ITGA2B: variants seen among roughly 807,000 people sequenced by gnomAD.
ITGA2B encodes integrin subunit alpha 2b.
In ITGA2B, 91 loss-of-function variants were observed where a neutral mutation model predicts 142.0. The ratio of observed to expected loss-of-function variants is 0.64; its 90% CI spans 0.54 to 0.76. The LOEUF (loss-of-function observed/expected upper bound fraction) is 0.76. Ranked by LOEUF, ITGA2B falls within the 30% of genes least tolerant of loss-of-function variation. ITGA2B has a pLI of 0.00. For synonymous variants in ITGA2B, 536 were observed against 567.2 expected (o/e 0.94, Z 0.78); for missense variants, 1,231 against 1,350.8 (o/e 0.91, Z 1.39).
At chr17:44,377,572 T>A (rs2048556072) in intron 21 of ITGA2B, 126 bp downstream of exon 21, 1 of 724,006 alleles carries the variant, frequency 1.4e-6, no homozygotes, top group Non-Finnish European at 2.5e-6. Flanking sequence ...CCCAAGGACA[T>A]GTGGCAAGGG....
Position 44,380,001 on chromosome 17 carries a change from C to G in ITGA2B, c.1752+1G>C. On this transcript the variant is annotated splice_donor_variant, in intron 17 of 29. Transcript: ENST00000262407. LOFTEE classifies it high-confidence loss of function. ...CCTGCCAATCCCCTGCCTGGGCGTACTCGAAGGAAGGCCATGGTGGTGTGG... is the reference window on the plus strand; with the variant it reads ...CCTGCCAATCCCCTGCCTGGGCGTAGTCGAAGGAAGGCCATGGTGGTGTGG... 6.2e-7 allele frequency: 1 copy of G among 1,613,320 alleles called. No individual in the cohort carries two copies.
At chr17:44,374,555 CA>C in intron 28 of ITGA2B, 85 bp from the exon 29 acceptor site, 2 of 1,521,738 alleles carry the variant, frequency 1.3e-6, no homozygotes, top group Non-Finnish European at 1.8e-6. Flanking sequence ...GACCTCCAGC[CA>C]TGCCACCCAC....
rs2048550086 is a variant in ITGA2B, at chr17:44,376,992, G to A, written c.2267+17C>T. 1.1e-5 allele frequency: 18 copies of A among 1,569,508 alleles called. No individual in the cohort carries two copies. Among genetic ancestry groups the A allele is most frequent in the Middle Eastern group, 3.6e-4 (2 of 5,610 alleles). On this transcript the variant is annotated intron_variant, in intron 22 of 29. Coordinates refer to ENST00000262407, the MANE Select transcript of ITGA2B (RefSeq NM_000419.5). ...CGGGGGAAGGGTGGTGGGTAGGCAC[G>A]CTCGCCAGGTCAGTACCTCCGTATC... is the stretch of plus-strand genomic sequence containing the variant.
At position 44,388,351 on chromosome 17, in the gene ITGA2B, C is replaced by CT. The variant is rs35720866; in HGVS notation, c.188+934dup. On this transcript the variant is annotated intron_variant, in intron 1 of 29. Coordinates refer to ENST00000262407, the MANE Select transcript of ITGA2B (RefSeq NM_000419.5). ...ATGTGCTCCTCTCCACATTTCCTTTCTTTTTTTTTTTTTTTTTTTTTTGAG... is the reference window on the plus strand; with the variant it reads ...ATGTGCTCCTCTCCACATTTCCTTTCTTTTTTTTTTTTTTTTTTTTTTTGAG... Among the ~76,000 whole-genome samples, 873 of 97,308 alleles carry CT rather than the reference C, an allele frequency of 9.0e-3. 8 individuals are homozygous for CT. The highest frequency in any genetic ancestry group is 0.013 in the African/African-American group (279 of 21,668). 63.8% of individuals were successfully genotyped at this position (97,308 alleles called of 152,430 possible).
At chr17:44,378,845 A>G (rs920757524) in intron 18 of ITGA2B, 135 bp from the exon 19 acceptor site, 3 of 753,172 alleles carry the variant, frequency 4.0e-6, no homozygotes, top group African/African-American at 3.5e-5. Flanking sequence ...GACGAAAAGG[A>G]GTTTGTAGAT....
intron 21 of ITGA2B, 141 bp downstream of exon 21, chr17:44,377,557 A>AT: frequency 1.4e-6 from 1 of 694,120 alleles, no homozygotes; most frequent in Non-Finnish European, 2.6e-6. Context: ...AGGGAAAGTC[A>AT]CTCACCCAAG....
chr17:44,380,638 G>T lies in ITGA2B; in HGVS notation c.1401C>A (p.Ile467=), dbSNP rs766997708. Residue 467 remains isoleucine, a synonymous_variant, in exon 14 of 30, where the codon ATC becomes ATA. Coordinates refer to ENST00000262407, the MANE Select transcript of ITGA2B (RefSeq NM_000419.5). ...DIDDNGYPDL[I]VGAYGANQVA... ...CCTGGTTGGCCCCGTAAGCTCCCAC[G>T]ATCAGGTCTATAGACATCGAGGAAT... is the stretch of plus-strand genomic sequence containing the variant. 4 of 1,614,050 alleles carry T rather than the reference G, an allele frequency of 2.5e-6. No individual in the cohort carries two copies.
chr17:44,384,007 G>A (rs1300623294), intron 10 of ITGA2B, 61 bp from the exon 11 acceptor site: 2 of 1,613,324 alleles, frequency 1.2e-6, no homozygotes, highest in East Asian at 2.2e-5. Context: ...TAAGAAATGG[G>A]CCCTCACCTC....
At chr17:44,381,839 G>A (rs1340009631) in intron 12 of ITGA2B, among the ~76,000 whole-genome samples, 1 of 151,370 alleles carries the variant, frequency 6.6e-6, no homozygotes, top group East Asian at 1.9e-4. Flanking sequence ...TGTTGGCCAG[G>A]CTGGTGTCAA....
At chr17:44,389,235 TGGGGA>T in intron 1 of ITGA2B, 46 bp downstream of exon 1, 1 of 1,596,184 alleles carries the variant, frequency 6.3e-7, no homozygotes, top group Non-Finnish European at 8.6e-7. Flanking sequence ...GAAGCAGTGA[TGGGGA>T]GGGGTCCTGC....
chr17:44,372,371 C>T lies in ITGA2B; in HGVS notation c.3113G>A (p.Gly1038Glu). 3.1e-6 allele frequency: 5 copies of T among 1,614,090 alleles called. No individual in the cohort carries two copies. Among genetic ancestry groups the T allele is most frequent in the Non-Finnish European group, 4.2e-6 (5 of 1,180,022 alleles). The change falls in exon 30 of 30, where the codon GGG becomes GAG. Residue 1038 changes from glycine to glutamate, a missense_variant. Around this residue, in one of 3 missense-constraint regions of ITGA2B, gnomAD observed 908 missense variants for 1,021.1 expected, o/e 0.89. Coordinates refer to ENST00000262407, the MANE Select transcript of ITGA2B (RefSeq NM_000419.5). Reference sequence around the variant, plus strand: ...ATAGTGTAGGCTGCACCATCACTCCCCCTCTTCATCATCTTCTTCCAGGGG... The same window carrying T: ...ATAGTGTAGGCTGCACCATCACTCCTCCTCTTCATCATCTTCTTCCAGGGG... ...RPPLEEDDEE[G>E]E
intron 5 of ITGA2B, 24 bp from the exon 6 acceptor site, chr17:44,385,233 AG>A: frequency 6.2e-7 from 1 of 1,613,928 alleles, no homozygotes; most frequent in Non-Finnish European, 8.5e-7. Flanking sequence ...CCTGAGGGTG[AG>A]AGGGGGCCCT....
At chr17:44,374,302 G>T in intron 29 of ITGA2B, 52 bp downstream of exon 29, 1 of 1,528,796 alleles carries the variant, frequency 6.5e-7, no homozygotes, top group Non-Finnish European at 9.1e-7. Context: ...GTGAGGCAGG[G>T]CAGAGCCAAG....
At chr17:44,381,132 G>A (rs966128791) in intron 12 of ITGA2B, 71 bp from the exon 13 acceptor site, 13 of 1,464,094 alleles carry the variant, frequency 8.9e-6, no homozygotes, top group Non-Finnish European at 1.1e-5. Flanking sequence ...AAACTTTCCT[G>A]AGCTTCTCTG....
Position 44,386,106 on chromosome 17 carries a change from G to C in ITGA2B, c.214C>G (p.Arg72Gly), listed in dbSNP as rs1174805526. ...GRVAIVVGAPRTLGPSQEETG... is the reference protein window; with the variant it reads ...GRVAIVVGAPGTLGPSQEETG... The stretch of plus-strand genomic sequence containing the variant: ...TCCTCCTGGCTGGGGCCCAGGGTCC[G>C]CGGGGCGCCCACCACGATGGCCACT... The change falls in exon 2 of 30, where the codon CGG becomes GGG. Residue 72 changes from arginine to glycine, a missense_variant. Transcript: ENST00000262407. 1 of 1,604,540 alleles carries C rather than the reference G, an allele frequency of 6.2e-7. No homozygotes were observed. Among genetic ancestry groups the C allele is most frequent in the Non-Finnish European group, 8.5e-7 (1 of 1,177,528 alleles).
intron 12 of ITGA2B, among the ~76,000 whole-genome samples, chr17:44,381,817 G>A (rs1003413098): frequency 1.3e-5 from 2 of 151,440 alleles, no homozygotes; most frequent in African/African-American, 4.9e-5. Context: ...TTATGGAGAC[G>A]AGATCTCCCT....
intron 11 of ITGA2B, 23 bp from the exon 12 acceptor site, chr17:44,383,727 C>T (rs1187650421): frequency 1.9e-6 from 3 of 1,560,620 alleles, no homozygotes; most frequent in Non-Finnish European, 1.7e-6. Flanking sequence ...TGAGTGGTTA[C>T]ATGGGACTGG....
Position 44,383,551 on chromosome 17 carries a change from A to G in ITGA2B, c.1152T>C (p.Tyr384=), listed in dbSNP as rs2048614559. 1 of 1,612,096 alleles carries G rather than the reference A, an allele frequency of 6.2e-7. No homozygotes were observed. Among genetic ancestry groups the G allele is most frequent in the Non-Finnish European group, 8.5e-7 (1 of 1,179,936 alleles). The change falls in exon 12 of 30, where the codon TAT becomes TAC. Residue 384 remains tyrosine (Y), a synonymous_variant. Coordinates refer to ENST00000262407, the MANE Select transcript of ITGA2B (RefSeq NM_000419.5). The stretch of plus-strand genomic sequence containing the variant: ...GTGCGATGGCAGAGCCGAATCGCCC[A>G]TAGAGCTGTGTGCCAGTCAGCAGGA... ...PSLLLTGTQL[Y]GRFGSAIAPL...
intron 12 of ITGA2B, 130 bp downstream of exon 12, chr17:44,383,361 ACC>A: frequency 6.1e-6 from 5 of 816,470 alleles, no homozygotes; most frequent in Non-Finnish European, 1.0e-5. Flanking sequence ...TCCACTCAGC[ACC>A]CCATGTGTCT....
Sources: gnomAD v4.1 joint callset for allele counts (sites outside exome capture counted in the v4.1 genomes callset) on GRCh38, gnomAD v4.1.1 for gene constraint, gnomAD v4.1.1 regional missense constraint, MANE v1.5 for transcripts, NCBI Gene and HGNC (gene_info 2026-07-23, HGNC 2026-07-21) for gene names.